The following GSAP variants were observed in gnomAD, a reference collection of about 807,000 sequenced individuals.
GSAP encodes gamma-secretase activating protein, also known as gamma-secretase-activating protein.
GSAP carries 118 observed loss-of-function variants against 131.7 expected under a neutral mutation model. The observed-to-expected ratio is 0.90, with a 90% CI of 0.77 to 1.04. The LOEUF (loss-of-function observed/expected upper bound fraction) is 1.04. Ranked by LOEUF, GSAP falls within the 50% of genes least tolerant of loss-of-function variation. GSAP has a pLI of 0.00. For synonymous variants in GSAP, 381 were observed against 363.4 expected (o/e 1.05, Z -0.55); for missense variants, 1,019 against 1,013.2 (o/e 1.01, Z -0.08).
chr7:77,351,523 C>T (rs1792859261), intron 18 of GSAP: 1 of 982,746 alleles, frequency 1.0e-6, no homozygotes, highest in Non-Finnish European at 1.2e-6. Flanking sequence ...TAGAAGAGAC[C>T]TTTAAGGTAA....
At chr7:77,379,054 A>C (rs1161028304) in intron 8 of GSAP, among the ~76,000 whole-genome samples, 1 of 152,174 alleles carries the variant, frequency 6.6e-6, no homozygotes, top group Non-Finnish European at 1.5e-5. Flanking sequence ...ATATTTAGAC[A>C]AGAGGAAAGT....
At chr7:77,383,318 T>TCACACA (rs10539947) in intron 6 of GSAP, among the ~76,000 whole-genome samples, 271 of 150,314 alleles carry the variant, frequency 1.8e-3, no homozygotes, top group Admixed American at 3.8e-3. Flanking sequence ...ATGTTCTATT[T>TCACACA]CACACACACA....
rs111269234 is a variant in GSAP at position 77,311,236 on chromosome 7, T to C, written c.*122A>G. ...TGTACCAACCTGAAACTCACATGGC[T>C]AAACAATTATGGCTAAACTATTTTT... On this transcript the variant is annotated 3_prime_UTR_variant, in exon 31 of 31. Transcript: ENST00000257626. The C allele has an allele frequency of 1.2e-3, 786 of 680,870 alleles. 2 individuals are homozygous for C. The African/African-American group carries it at 0.012, about 11-fold the overall frequency. The allele number at this position is 680,870 out of a possible 1,614,324, so 42.2% of individuals were successfully genotyped here. A position where few individuals can be genotyped will look rare whatever the true frequency, so the allele number is the denominator to read the frequency against.
At chr7:77,330,772 T>C (rs1040734453) in intron 19 of GSAP, 3 of 985,712 alleles carry the variant, frequency 3.0e-6, no homozygotes, top group Non-Finnish European at 3.6e-6. Flanking sequence ...TAAGAGAAAG[T>C]TCATTAACAT....
intron 10 of GSAP, 51 bp downstream of exon 10, chr7:77,376,797 A>T: frequency 3.8e-5 from 27 of 704,684 alleles, no homozygotes; most frequent in East Asian, 6.4e-5. Flanking sequence ...AAAAAAAAAG[A>T]GAGTAATGTA....
chr7:77,385,104 G>A (rs568161004), intron 6 of GSAP, among the ~76,000 whole-genome samples: 1 of 151,518 alleles, frequency 6.6e-6, no homozygotes, highest in South Asian at 2.1e-4. Context: ...CACGATCTTG[G>A]CTCACTGCAA....
At chr7:77,311,583 A>T in intron 30 of GSAP, 134 bp from the exon 31 acceptor site, 1 of 605,550 alleles carries the variant, frequency 1.7e-6, no homozygotes, top group East Asian at 2.7e-5. Context: ...ATGTGTTCTT[A>T]AATTTAAACT....
chr7:77,345,559 G>A (rs1035029723), intron 19 of GSAP, among the ~76,000 whole-genome samples: 3 of 152,148 alleles, frequency 2.0e-5, no homozygotes, highest in Non-Finnish European at 2.9e-5. Flanking sequence ...GAAAATGGCC[G>A]GTTTCTGCCT....
At chr7:77,329,039 T>C (rs960663920) in intron 21 of GSAP, among the ~76,000 whole-genome samples, 14 of 152,190 alleles carry the variant, frequency 9.2e-5, no homozygotes, top group Non-Finnish European at 2.1e-4. Context: ...CAACCTACTA[T>C]TTGCCTTTCT....
intron 3 of GSAP, among the ~76,000 whole-genome samples, chr7:77,397,885 A>C (rs1421353395): frequency 1.3e-5 from 2 of 152,204 alleles, no homozygotes; most frequent in Non-Finnish European, 2.9e-5. Context: ...TGAGGTAATT[A>C]ATTACCTCAG....
chr7:77,349,528 C>T (rs1047345818), intron 18 of GSAP, 124 bp from the exon 19 acceptor site: 60 of 723,118 alleles, frequency 8.3e-5, no homozygotes, highest in Non-Finnish European at 1.3e-4. Context: ...CTAACCTCTA[C>T]TTTAAATAAA....
chr7:77,365,144 G>A (rs531137719), intron 12 of GSAP, among the ~76,000 whole-genome samples: 229 of 146,876 alleles, frequency 1.6e-3, no homozygotes, highest in Admixed American at 2.6e-3. Context: ...AAGAGATGGA[G>A]TCTATGTTAC....
chr7:77,337,544 T>C (rs1420670019), intron 19 of GSAP, among the ~76,000 whole-genome samples: 1 of 152,160 alleles, frequency 6.6e-6, no homozygotes, highest in Non-Finnish European at 1.5e-5. Flanking sequence ...TATAAACTAC[T>C]CTTCTCCCAG....
intron 1 of GSAP, among the ~76,000 whole-genome samples, chr7:77,406,997 A>C (rs987181067): frequency 2.0e-5 from 3 of 152,196 alleles, no homozygotes; most frequent in Non-Finnish European, 2.9e-5. Context: ...CTAGGGATGC[A>C]GCTATCTGTA....
In GSAP at chr7:77,397,412, G is replaced by T; in HGVS notation, c.247C>A (p.Leu83Ile). Residue 83 changes from leucine (L) to isoleucine (I), a missense_variant, in exon 4 of 31, where the codon CTA becomes ATA. Coordinates refer to ENST00000257626, the MANE Select transcript of GSAP (RefSeq NM_017439.4). ...TGCAAGTCTTTCTCAAAGGTATATA[G>T]AAGCTATTAAAACAAAAATATTTTT... ...YDCQTRQNELLYTFEKDLQVF... is the reference protein window; with the variant it reads ...YDCQTRQNELIYTFEKDLQVF... The T allele has an allele frequency of 6.4e-7, 1 of 1,558,010 alleles. No homozygotes were observed. Among genetic ancestry groups the T allele is most frequent in the South Asian group, 1.1e-5 (1 of 87,154 alleles).
Position 77,323,696 on chromosome 7 carries a change from A to G in GSAP, c.1874T>C (p.Val625Ala), listed in dbSNP as rs1787953270. Reference protein sequence around the residue: ...KDHFLRHLQGVEKKKIEQMVL... With the variant: ...KDHFLRHLQGAEKKKIEQMVL... ...CATCTGTTCAATTTTCTTCTTTTCTACACCCTGTAGGTGTCTCAAAAAATG... is the reference window on the plus strand; with the variant it reads ...CATCTGTTCAATTTTCTTCTTTTCTGCACCCTGTAGGTGTCTCAAAAAATG... The change falls in exon 24 of 31, where the codon GTA becomes GCA. Residue 625 changes from valine (V) to alanine (A), a missense_variant. Coordinates refer to ENST00000257626, the MANE Select transcript of GSAP (RefSeq NM_017439.4). 1 of 1,608,650 alleles carries G rather than the reference A, an allele frequency of 6.2e-7. No individual in the cohort carries two copies. Among genetic ancestry groups the G allele is most frequent in the Non-Finnish European group, 8.5e-7 (1 of 1,175,936 alleles).
chr7:77,321,779 GAC>G (rs1787677402), intron 24 of GSAP, among the ~76,000 whole-genome samples: 1 of 152,174 alleles, frequency 6.6e-6, no homozygotes, highest in African/African-American at 2.4e-5. Context: ...GAAGAAAAGA[GAC>G]ACAGAATGGA....
chr7:77,376,471 C>A (rs183693170), intron 10 of GSAP, among the ~76,000 whole-genome samples: 28 of 152,290 alleles, frequency 1.8e-4, no homozygotes, highest in African/African-American at 3.1e-4. Context: ...GATAACAATT[C>A]TCTTAAAAGA....
At chr7:77,357,032 G>C (rs1793852922) in intron 14 of GSAP, among the ~76,000 whole-genome samples, 1 of 152,132 alleles carries the variant, frequency 6.6e-6, no homozygotes, top group African/African-American at 2.4e-5. Flanking sequence ...TAATGGAAAG[G>C]GTATCGGCAT....
Sources: allele counts gnomAD v4.1 joint callset (sites outside exome capture counted in the v4.1 genomes callset), GRCh38; gene constraint gnomAD v4.1.1; transcripts MANE v1.5; gene names NCBI Gene and HGNC (gene_info 2026-07-23, HGNC 2026-07-21).